The following CDYL2 variants were observed in gnomAD, a reference collection of about 807,000 sequenced individuals.
The protein encoded by CDYL2 is chromodomain Y-like protein 2.
Under a neutral mutation model 49.4 loss-of-function variants are expected in CDYL2, and 23 were observed. That is an observed-to-expected ratio of 0.47 (90% CI 0.34 to 0.66). CDYL2 has a LOEUF of 0.66. CDYL2 is among the 30% of genes least tolerant of loss of function. The pLI is 0.01. For synonymous variants in CDYL2, 360 were observed against 268.8 expected (o/e 1.34, Z -3.32); for missense variants, 678 against 656.4 (o/e 1.03, Z -0.36).
chr16:80,699,892 G>A (rs1438919488), intron 1 of CDYL2, among the ~76,000 whole-genome samples: 1 of 150,434 alleles, frequency 6.6e-6, no homozygotes, highest in Non-Finnish European at 1.5e-5. Context: ...TTTTGAGACG[G>A]AGTCTCGCTC....
At position 80,648,953 on chromosome 16, in the gene CDYL2, T is replaced by C. The variant is rs532398112; in HGVS notation, c.617-15717A>G. Among the ~76,000 whole-genome samples the C allele has an allele frequency of 3.9e-5, 6 of 152,204 alleles. No individual in the cohort carries two copies. The East Asian group carries it at 7.7e-4, about 20-fold the overall frequency. On this transcript the variant is annotated intron_variant, in intron 2 of 6. Transcript: ENST00000570137. ...TTTGATATAATTCAACATCCCTTCA[T>C]GATAAAACCCTAAAAAACTGGTATA...
chr16:80,788,865 C>A (rs745425724), intron 1 of CDYL2, among the ~76,000 whole-genome samples: 1 of 152,022 alleles, frequency 6.6e-6, no homozygotes, highest in Non-Finnish European at 1.5e-5. Context: ...AGGACTAATA[C>A]CCAGAATCTA....
Position 80,735,442 on chromosome 16 carries a change from A to C in CDYL2, c.25-50313T>G, listed in dbSNP as rs769852449. Among the ~76,000 whole-genome samples the C allele has an allele frequency of 2.7e-3, 417 of 152,320 alleles. 6 individuals are homozygous for C. Among genetic ancestry groups the C allele is most frequent in the Non-Finnish European group, 2.4e-3 (165 of 68,020 alleles). The stretch of plus-strand genomic sequence containing the variant: ...AAATGAAGTTAATAATAACCACGAC[A>C]TTGTCAAAAATTAATGAGCTAAATG... On this transcript the variant is annotated intron_variant, in intron 1 of 6. Coordinates refer to ENST00000570137, the MANE Select transcript of CDYL2 (RefSeq NM_152342.4).
At position 80,600,349 on chromosome 16, in the gene CDYL2, A is replaced by G. The variant is rs779551870; in HGVS notation, c.*4039T>C. 6.6e-6 allele frequency: 1 copy of G among 152,218 alleles called. No homozygotes were observed. Among genetic ancestry groups the G allele is most frequent in the African/African-American group, 2.4e-5 (1 of 41,458 alleles). The allele number at this position is 152,218 out of a possible 1,614,324, so 9.4% of individuals were successfully genotyped here. A position where few individuals can be genotyped will look rare whatever the true frequency, so the allele number is the denominator to read the frequency against. On this transcript the variant is annotated 3_prime_UTR_variant, in exon 7 of 7. Coordinates refer to ENST00000570137, the MANE Select transcript of CDYL2 (RefSeq NM_152342.4). ...TATCCTAACTTATCACAGAAATATAAAAGTTTATATTTTGAAAATATATAC... is the reference window on the plus strand; with the variant it reads ...TATCCTAACTTATCACAGAAATATAGAAGTTTATATTTTGAAAATATATAC...
At position 80,795,849 on chromosome 16, in the gene CDYL2, G is replaced by GC. The variant is rs144803988; in HGVS notation, c.24+8300dup. Reference sequence around the variant, plus strand: ...TGCATACATGTGTGAGATGATGTGAGCTACTGAAATCAAGGCATTTATTTG... The same window carrying GC: ...TGCATACATGTGTGAGATGATGTGAGCCTACTGAAATCAAGGCATTTATTTG... On this transcript the variant is annotated intron_variant, in intron 1 of 6. Coordinates refer to ENST00000570137, the MANE Select transcript of CDYL2 (RefSeq NM_152342.4). Among the ~76,000 whole-genome samples, 637 of 152,296 alleles carry GC rather than the reference G, an allele frequency of 4.2e-3. 2 individuals carry two copies. The highest frequency in any genetic ancestry group is 0.015 in the African/African-American group (615 of 41,570).
rs140110888 is a variant in CDYL2 at position 80,640,534 on chromosome 16, C to A, written c.617-7298G>T. 3.9e-4 allele frequency among the ~76,000 whole-genome samples: 60 copies of A among 152,196 alleles called. No individual in the cohort carries two copies. In the East Asian group the frequency reaches 0.011, roughly 28 times the overall value. On this transcript the variant is annotated intron_variant, in intron 2 of 6. Coordinates refer to ENST00000570137, the MANE Select transcript of CDYL2 (RefSeq NM_152342.4). ...TACAGGGAGAGATAAATACCTGACT[C>A]TTCAATTCCCAGACACAAACATCTA...
At chr16:80,628,761 C>T (rs1040328439) in intron 3 of CDYL2, among the ~76,000 whole-genome samples, 1 of 152,222 alleles carries the variant, frequency 6.6e-6, no homozygotes, top group Non-Finnish European at 1.5e-5. Context: ...CAGACCCTTT[C>T]ACATAAAAGA....
At chr16:80,629,978 G>T (rs1907483962) in intron 3 of CDYL2, among the ~76,000 whole-genome samples, 1 of 152,158 alleles carries the variant, frequency 6.6e-6, no homozygotes, top group African/African-American at 2.4e-5. Context: ...TTCTATAAAG[G>T]AGGAAGCTCA....
chr16:80,725,640 G>C (rs572485172), intron 1 of CDYL2, among the ~76,000 whole-genome samples: 4 of 152,312 alleles, frequency 2.6e-5, no homozygotes, highest in Admixed American at 1.3e-4. Flanking sequence ...GCTACATGCA[G>C]AAGTTCCAGC....
At chr16:80,777,359 A>T (rs1907121852) in intron 1 of CDYL2, among the ~76,000 whole-genome samples, 1 of 152,128 alleles carries the variant, frequency 6.6e-6, no homozygotes, top group Non-Finnish European at 1.5e-5. Flanking sequence ...CAGATGAAGG[A>T]ATGAATGATA....
chr16:80,610,537 G>C (rs1379132921), intron 5 of CDYL2, among the ~76,000 whole-genome samples: 1 of 152,152 alleles, frequency 6.6e-6, no homozygotes, highest in African/African-American at 2.4e-5. Context: ...AGAGAGAAAG[G>C]AGATTCTTGG....
At chr16:80,605,936 T>G (rs74862994) in intron 6 of CDYL2, among the ~76,000 whole-genome samples, 37,394 of 152,060 alleles carry the variant, frequency 0.25, 5,090 homozygotes, top group African/African-American at 0.36. Flanking sequence ...TGACCACTCA[T>G]GGGTAGAGGG....
chr16:80,673,762 G>C (rs1909627886), intron 2 of CDYL2, among the ~76,000 whole-genome samples: 2 of 152,122 alleles, frequency 1.3e-5, no homozygotes, highest in Non-Finnish European at 1.5e-5. Context: ...ACCTGACATG[G>C]CAAAAAGGAC....
At chr16:80,664,876 T>A (rs1268730909) in intron 2 of CDYL2, among the ~76,000 whole-genome samples, 1 of 151,928 alleles carries the variant, frequency 6.6e-6, no homozygotes, top group Admixed American at 6.6e-5. Context: ...ACTGAGGAAC[T>A]GCCAGTGCTA....
At chr16:80,717,949 G>C (rs1158393690) in intron 1 of CDYL2, among the ~76,000 whole-genome samples, 1 of 152,178 alleles carries the variant, frequency 6.6e-6, no homozygotes, top group Non-Finnish European at 1.5e-5. Flanking sequence ...TTCTCCACTT[G>C]CAAGGTCAAG....
At chr16:80,617,887 G>C (rs899771930) in intron 4 of CDYL2, among the ~76,000 whole-genome samples, 3 of 152,140 alleles carry the variant, frequency 2.0e-5, no homozygotes, top group Admixed American at 2.0e-4. Context: ...CTCAACCCTG[G>C]CTGCACCTGA....
intron 2 of CDYL2, among the ~76,000 whole-genome samples, chr16:80,665,904 G>C (rs915428468): frequency 1.3e-5 from 2 of 151,734 alleles, no homozygotes; most frequent in Non-Finnish European, 2.9e-5. Flanking sequence ...TGTCCCTCTT[G>C]ATTTCGCCTT....
At chr16:80,712,808 T>C (rs1904665693) in intron 1 of CDYL2, among the ~76,000 whole-genome samples, 1 of 152,182 alleles carries the variant, frequency 6.6e-6, no homozygotes, top group Non-Finnish European at 1.5e-5. Context: ...TCTGCTTCCT[T>C]TCATCTGATG....
rs116101790 is a variant in CDYL2 at position 80,752,218 on chromosome 16, G to C, written c.24+51932C>G. Among the ~76,000 whole-genome samples, 789 of 152,206 alleles carry C rather than the reference G, an allele frequency of 5.2e-3. 8 individuals are homozygous for C. Among genetic ancestry groups the C allele is most frequent in the African/African-American group, 0.018 (761 of 41,536 alleles). On this transcript the variant is annotated intron_variant, in intron 1 of 6. Transcript: ENST00000570137. ...AATTAGTAAAATGAATGATAGGTTA[G>C]AAGACAACATCCAGACAGCAACAAG...
Sources: gnomAD v4.1 joint callset for allele counts (sites outside exome capture counted in the v4.1 genomes callset) on GRCh38, gnomAD v4.1.1 for gene constraint, MANE v1.5 for transcripts, NCBI Gene and HGNC (gene_info 2026-07-23, HGNC 2026-07-21) for gene names.